The following DLGAP2 variants were observed in gnomAD, a reference collection of about 807,000 sequenced individuals.
DLGAP2 encodes the protein DLG associated protein 2.
Under a neutral mutation model 100.3 loss-of-function variants are expected in DLGAP2, and 26 were observed. The ratio of observed to expected loss-of-function variants is 0.26; its 90% CI spans 0.19 to 0.36. The LOEUF is 0.36. Among genes scored for constraint, DLGAP2 ranks in the 10% least tolerant of loss-of-function variants. The pLI, the probability that DLGAP2 is intolerant of heterozygous loss-of-function variation, is 1.00. For missense variants in DLGAP2, 1,858 were observed against 1,453.2 expected (o/e 1.28, Z -4.53); for synonymous variants, 886 against 630.1 (o/e 1.41, Z -6.08).
intron 3 of DLGAP2, among the ~76,000 whole-genome samples, chr8:1,453,780 A>T (rs1798228912): frequency 6.6e-6 from 1 of 152,242 alleles, no homozygotes; most frequent in South Asian, 2.1e-4. Context: ...CAGGAGTTTC[A>T]ACATACTCCC....
At chr8:1,546,487 C>T (rs1342232350) in intron 4 of DLGAP2, among the ~76,000 whole-genome samples, 1 of 152,244 alleles carries the variant, frequency 6.6e-6, no homozygotes, top group African/African-American at 2.4e-5. Flanking sequence ...GCCATGCTGG[C>T]CCAGACGGCT....
intron 8 of DLGAP2, among the ~76,000 whole-genome samples, chr8:1,635,792 C>T (rs1392913996): frequency 6.6e-6 from 1 of 152,114 alleles, no homozygotes; most frequent in Non-Finnish European, 1.5e-5. Context: ...GTATTGAGAA[C>T]TTAAAAATAC....
At chr8:1,698,724 G>GGTCCACATAAGCCATGTGTGGGACTA (rs1799481256) in intron 14 of DLGAP2, among the ~76,000 whole-genome samples, 2 of 150,928 alleles carry the variant, frequency 1.3e-5, no homozygotes, top group Non-Finnish European at 3.0e-5. Flanking sequence ...GCATGGGACA[G>GGTCCACATAAGCCATGTGTGGGACTA]GTCCACATAA....
rs1802221938 is a variant in DLGAP2 at position 1,039,190 on chromosome 8, T to TGCGTGG, written c.73+131224_73+131225insGCGTGG. On this transcript the variant is annotated intron_variant, in intron 2 of 14. Transcript: ENST00000637795. ...GCTCGGTGTGCGTGGTCAGCTCGGTTTCCGTGGTCAGCTCGGTGTGCGTGG... is the reference window on the plus strand; with the variant it reads ...GCTCGGTGTGCGTGGTCAGCTCGGTTGCGTGGTCCGTGGTCAGCTCGGTGTGCGTGG... Among the ~76,000 whole-genome samples the TGCGTGG allele has an allele frequency of 1.6e-4, 11 of 67,978 alleles. No individual in the cohort carries two copies. In the South Asian group the frequency reaches 2.1e-3, roughly 13 times the overall value. 44.6% of individuals were successfully genotyped at this position (67,978 alleles called of 152,430 possible).
At chr8:1,175,929 A>T (rs898978923) in intron 2 of DLGAP2, among the ~76,000 whole-genome samples, 1 of 152,234 alleles carries the variant, frequency 6.6e-6, no homozygotes, top group South Asian at 2.1e-4. Context: ...CGGCTTTGCC[A>T]TCTGCAAAGT....
intron 2 of DLGAP2, among the ~76,000 whole-genome samples, chr8:958,910 C>T (rs1463392729): frequency 6.6e-6 from 1 of 152,110 alleles, no homozygotes; most frequent in Non-Finnish European, 1.5e-5. Flanking sequence ...CATAAGGTGG[C>T]TTGATATGAT....
intron 3 of DLGAP2, among the ~76,000 whole-genome samples, chr8:1,372,826 C>G (rs990529915): frequency 5.3e-5 from 8 of 152,194 alleles, no homozygotes; most frequent in Non-Finnish European, 1.0e-4. Flanking sequence ...TAGATACAGC[C>G]ACATCAAATT....
intron 1 of DLGAP2, among the ~76,000 whole-genome samples, chr8:802,210 C>A (rs895204584): frequency 1.2e-5 from 1 of 86,520 alleles, no homozygotes; most frequent in Non-Finnish European, 2.3e-5. Flanking sequence ...TCCTCCTGGG[C>A]CCTCCATCCT....
chr8:1,311,854 A>G (rs1056653992), intron 3 of DLGAP2, among the ~76,000 whole-genome samples: 2 of 152,232 alleles, frequency 1.3e-5, no homozygotes, highest in African/African-American at 4.8e-5. Flanking sequence ...AGACACAGCA[A>G]TCCTTAATGT....
intron 3 of DLGAP2, among the ~76,000 whole-genome samples, chr8:1,455,271 G>A (rs1336953341): frequency 6.6e-6 from 1 of 152,254 alleles, no homozygotes; most frequent in Non-Finnish European, 1.5e-5. Context: ...GCCCATCTCA[G>A]GCACTGATTC....
At chr8:864,329 A>G (rs1170107097) in intron 1 of DLGAP2, among the ~76,000 whole-genome samples, 1 of 152,126 alleles carries the variant, frequency 6.6e-6, no homozygotes, top group Non-Finnish European at 1.5e-5. Flanking sequence ...AGAAGAAAAG[A>G]TTTGGAATGT....
intron 4 of DLGAP2, among the ~76,000 whole-genome samples, chr8:1,516,314 A>C (rs895417237): frequency 2.6e-5 from 4 of 151,960 alleles, no homozygotes; most frequent in African/African-American, 9.7e-5. Context: ...TGAATGAGGG[A>C]GGGAGGGAGT....
intron 2 of DLGAP2, among the ~76,000 whole-genome samples, chr8:1,245,755 G>T (rs1798889269): frequency 6.6e-6 from 1 of 152,182 alleles, no homozygotes; most frequent in African/African-American, 2.4e-5. Flanking sequence ...AAGCTGTTAG[G>T]AATAAATCAC....
At chr8:738,026 G>A (rs1173053003) in intron 1 of DLGAP2, 1 of 307,862 alleles carries the variant, frequency 3.2e-6, no homozygotes, top group African/African-American at 2.2e-5. Context: ...GTCGCGCGTT[G>A]CGCTCCTCGC....
chr8:860,088 G>T (rs1214219894), intron 1 of DLGAP2, among the ~76,000 whole-genome samples: 1 of 152,164 alleles, frequency 6.6e-6, no homozygotes, highest in Non-Finnish European at 1.5e-5. Flanking sequence ...CCAAATTAAA[G>T]AAATAAGAAG....
chr8:1,572,500 G>A (rs550863224), intron 6 of DLGAP2, among the ~76,000 whole-genome samples: 1 of 137,956 alleles, frequency 7.2e-6, no homozygotes, highest in East Asian at 2.4e-4. Context: ...AACTGTGGGG[G>A]CATCTTCTGG....
At chr8:1,591,460 C>T (rs1796287965) in intron 6 of DLGAP2, among the ~76,000 whole-genome samples, 1 of 152,092 alleles carries the variant, frequency 6.6e-6, no homozygotes, top group Admixed American at 6.5e-5. Context: ...TTTGAGTTTC[C>T]TGATGGGGTC....
rs200323661 is a variant in DLGAP2, at chr8:1,227,501, CT to C, written c.74-31338del. On this transcript the variant is annotated intron_variant, in intron 2 of 14. Transcript: ENST00000637795. ...AGTTGAGATTTGCTTCTTTTCTTTTCTTTTTTTTTTTTGATGGAGTTCTGCT... is the reference window on the plus strand; with the variant it reads ...AGTTGAGATTTGCTTCTTTTCTTTTCTTTTTTTTTTTGATGGAGTTCTGCT... 2.6e-3 allele frequency among the ~76,000 whole-genome samples: 374 copies of C among 143,306 alleles called. 1 individual carries two copies. The highest frequency in any genetic ancestry group is 3.9e-3 in the Admixed American group (55 of 14,246). 94.0% of individuals were successfully genotyped at this position (143,306 alleles called of 152,430 possible).
intron 3 of DLGAP2, among the ~76,000 whole-genome samples, chr8:1,354,128 G>A (rs1439936643): frequency 1.3e-5 from 2 of 152,140 alleles, no homozygotes; most frequent in Admixed American, 6.5e-5. Flanking sequence ...TGTAATTCTG[G>A]AAATTTACCT....
Sources: gnomAD v4.1 joint callset for allele counts (sites outside exome capture counted in the v4.1 genomes callset) on GRCh38, gnomAD v4.1.1 for gene constraint, MANE v1.5 for transcripts, NCBI Gene and HGNC (gene_info 2026-07-23, HGNC 2026-07-21) for gene names.